PIKFYVE: variants seen among roughly 807,000 people sequenced by gnomAD.
The protein encoded by PIKFYVE is 1-phosphatidylinositol 3-phosphate 5-kinase.
Under a neutral mutation model 257.9 loss-of-function variants are expected in PIKFYVE, and 122 were observed. The ratio of observed to expected loss-of-function variants is 0.47; its 90% CI spans 0.41 to 0.55. PIKFYVE has a LOEUF of 0.55. PIKFYVE is among the 20% of genes least tolerant of loss of function. The pLI is 0.00. For missense variants in PIKFYVE, 2,160 were observed against 2,536.6 expected (o/e 0.85, Z 3.19); for synonymous variants, 892 against 868.9 (o/e 1.03, Z -0.47).
In PIKFYVE at chr2:208,304,855, G is replaced by C. The variant is rs61752184; in HGVS notation, c.1478G>C (p.Ser493Thr). Residue 493 changes from serine (S) to threonine (T), a missense_variant, in exon 12 of 42, where the codon AGT becomes ACT. Ser to Thr is a moderately conservative substitution (Grantham distance 58). Transcript: ENST00000264380. ...EGDDNLANSA[S>T]PSKRTSVSSF... ...TTCCCAACACTAAAAGATTCTGCCA[G>C]TCCTAGCAAGCGCACATCAGTCAGC... 5 of 1,613,976 alleles carry C rather than the reference G, an allele frequency of 3.1e-6. No individual in the cohort carries two copies. The highest frequency in any genetic ancestry group is 4.2e-6 in the Non-Finnish European group (5 of 1,179,962).
intron 12 of PIKFYVE, 81 bp downstream of exon 12, chr2:208,305,094 G>A: frequency 6.3e-7 from 1 of 1,594,332 alleles, no homozygotes; most frequent in Non-Finnish European, 8.5e-7. Context: ...TGTCCTTCTG[G>A]CTTCCTCTGT....
rs1336732252 is a variant in PIKFYVE, at chr2:208,288,814, A to C, written c.907A>C (p.Asn303His). The change falls in exon 7 of 42, where the codon AAT becomes CAT. Residue 303 changes from asparagine to histidine, a missense_variant. Asn to His is a moderately conservative substitution (Grantham distance 68, BLOSUM62 1). Around this residue, in one of 12 missense-constraint regions of PIKFYVE, gnomAD observed 187 missense variants for 185.6 expected, o/e 1.01. Coordinates refer to ENST00000264380, the MANE Select transcript of PIKFYVE (RefSeq NM_015040.4). ...QEDAGKSPAR[N>H]RSASITNLSL... is the part of the protein sequence containing the mutation. ...GGATGCTGGGAAATCTCCTGCTCGA[A>C]ATAGGTAAACTGACAAATGAAAACA... 6 of 1,613,942 alleles carry C rather than the reference A, an allele frequency of 3.7e-6. No homozygotes were observed. The African/African-American group carries it at 6.7e-5, about 18-fold the overall frequency.
chr2:208,356,980 G>A lies in PIKFYVE; in HGVS notation c.*1675G>A, dbSNP rs1390227709. Reference sequence around the variant, plus strand: ...GGAAAATTTGCTTTAGAGAATCAAGGCAGTAGTTTGGTATTTGGTGCTTAT... The same window carrying A: ...GGAAAATTTGCTTTAGAGAATCAAGACAGTAGTTTGGTATTTGGTGCTTAT... On this transcript the variant is annotated 3_prime_UTR_variant, in exon 42 of 42. Transcript: ENST00000264380. 5 of 152,494 alleles carry A rather than the reference G, an allele frequency of 3.3e-5. No individual in the cohort carries two copies. The highest frequency in any genetic ancestry group is 7.3e-5 in the Non-Finnish European group (5 of 68,032). 9.4% of individuals were successfully genotyped at this position (152,494 alleles called of 1,614,324 possible).
chr2:208,316,173 A>G (rs921947804), intron 15 of PIKFYVE, among the ~76,000 whole-genome samples: 13 of 151,538 alleles, frequency 8.6e-5, no homozygotes, highest in Non-Finnish European at 1.3e-4. Context: ...ATGATTTCCA[A>G]TTTCATCCAC....
chr2:208,282,683 T>C (rs944604255), intron 5 of PIKFYVE, among the ~76,000 whole-genome samples: 1 of 152,146 alleles, frequency 6.6e-6, no homozygotes, highest in African/African-American at 2.4e-5. Context: ...CCAAAAAAAA[T>C]AACCTTCACA....
chr2:208,285,478 T>G (rs1389391398), intron 5 of PIKFYVE, among the ~76,000 whole-genome samples: 1 of 152,232 alleles, frequency 6.6e-6, no homozygotes, highest in Admixed American at 6.5e-5. Context: ...TGGCTCTTTT[T>G]TTTTCTTTTA....
At position 208,308,342 on chromosome 2, in the gene PIKFYVE, A is replaced by G. The variant is rs538053363; in HGVS notation, c.1636+3329A>G. On this transcript the variant is annotated intron_variant, in intron 12 of 41. Coordinates refer to ENST00000264380, the MANE Select transcript of PIKFYVE (RefSeq NM_015040.4). ...CTTGAGCTTGGCAGGTTGAGGCTGC[A>G]GTGAGCGATGATTTTGCCACTGCAG... Among the ~76,000 whole-genome samples, 19 of 151,958 alleles carry G rather than the reference A, an allele frequency of 1.3e-4. 1 individual carries two copies. The South Asian group carries it at 3.5e-3, about 28-fold the overall frequency.
At chr2:208,342,439 TCTTTTTCTTTC>T in intron 31 of PIKFYVE, 104 bp from the exon 32 acceptor site, 1 of 761,952 alleles carries the variant, frequency 1.3e-6, no homozygotes, top group Non-Finnish European at 2.2e-6. Flanking sequence ...TCTCTTGAAA[TCTTTTTCTTTC>T]CTAATGATTC....
Position 208,304,842 on chromosome 2 carries a change from AAAGAT to A in PIKFYVE, c.1469-3_1470del, listed in dbSNP as rs760803577. The A allele has an allele frequency of 6.2e-7, 1 of 1,613,684 alleles. No homozygotes were observed. The highest frequency in any genetic ancestry group is 1.7e-5 in the Admixed American group (1 of 60,016). On this transcript the variant is annotated splice_acceptor_variant and splice_polypyrimidine_tract_variant and coding_sequence_variant and intron_variant, in exon 12 of 42. Transcript: ENST00000264380. LOFTEE classifies it high-confidence loss of function. ...TATTTCTTTCCCCTTCCCAACACTA[AAAGAT>A]TCTGCCAGTCCTAGCAAGCGCACAT...
intron 3 of PIKFYVE, 147 bp from the exon 4 acceptor site, chr2:208,276,565 C>A: frequency 1.4e-6 from 1 of 733,212 alleles, no homozygotes; most frequent in South Asian, 1.4e-5. Context: ...CTTATAAAGA[C>A]TTGTTTTAAC....
At chr2:208,268,463 A>G (rs1688969290) in intron 1 of PIKFYVE, among the ~76,000 whole-genome samples, 1 of 129,420 alleles carries the variant, frequency 7.7e-6, no homozygotes, top group Admixed American at 8.9e-5. Context: ...TAAAATAGAG[A>G]TGAAGTCTCG....
intron 5 of PIKFYVE, among the ~76,000 whole-genome samples, chr2:208,282,066 CATT>C (rs2125104526): frequency 6.6e-6 from 1 of 152,284 alleles, no homozygotes; most frequent in East Asian, 1.9e-4. Flanking sequence ...CAGCCCATGT[CATT>C]ATAGTTGTTA....
At chr2:208,350,545 C>CT (rs1389716969) in intron 36 of PIKFYVE, among the ~76,000 whole-genome samples, 4 of 151,500 alleles carry the variant, frequency 2.6e-5, no homozygotes, top group Admixed American at 2.0e-4. Flanking sequence ...ATTTTTTTCT[C>CT]TTTTTTTGGA....
intron 7 of PIKFYVE, among the ~76,000 whole-genome samples, chr2:208,292,974 C>T (rs1328911938): frequency 1.3e-5 from 2 of 151,748 alleles, no homozygotes; most frequent in Non-Finnish European, 2.9e-5. Flanking sequence ...ACTTGTTGCC[C>T]TTGTTCTTCC....
chr2:208,320,240 CA>C lies in PIKFYVE; in HGVS notation c.2083-11del. On this transcript the variant is annotated splice_polypyrimidine_tract_variant and intron_variant, in intron 16 of 41. Coordinates refer to ENST00000264380, the MANE Select transcript of PIKFYVE (RefSeq NM_015040.4). ...CCTTTAAACACTTTAACAAACTGTT[CA>C]TTTTTTGTAGATGAGTTCTTGTATT... 6.2e-7 allele frequency: 1 copy of C among 1,609,356 alleles called. No individual in the cohort carries two copies. Among genetic ancestry groups the C allele is most frequent in the Non-Finnish European group, 8.5e-7 (1 of 1,177,306 alleles).
At chr2:208,275,768 T>C (rs1690027097) in intron 3 of PIKFYVE, among the ~76,000 whole-genome samples, 1 of 152,236 alleles carries the variant, frequency 6.6e-6, no homozygotes, top group African/African-American at 2.4e-5. Flanking sequence ...GTGGGGTATT[T>C]TCCAGTTTAC....
chr2:208,314,774 G>A (rs1240971825), intron 14 of PIKFYVE, among the ~76,000 whole-genome samples: 5 of 152,264 alleles, frequency 3.3e-5, no homozygotes, highest in African/African-American at 1.2e-4. Context: ...GCGCTGGCCT[G>A]TAATCCCAAC....
At chr2:208,306,789 T>C (rs6744930) in intron 12 of PIKFYVE, among the ~76,000 whole-genome samples, 6 of 145,556 alleles carry the variant, frequency 4.1e-5, no homozygotes, top group African/African-American at 1.0e-4. Context: ...TTTTTTTTTT[T>C]TTCTAAGAGA....
At position 208,305,745 on chromosome 2, in the gene PIKFYVE, C is replaced by T. The variant is rs372088089; in HGVS notation, c.1636+732C>T. On this transcript the variant is annotated intron_variant, in intron 12 of 41. Transcript: ENST00000264380. ...TTACTTTATTGGGTATAATTAAAAG[C>T]CAATTTAAATTATAGTCCTATCATG... Among the ~76,000 whole-genome samples the T allele has an allele frequency of 8.9e-4, 135 of 151,946 alleles. 6 individuals carry two copies. In the South Asian group the frequency reaches 0.028, roughly 31 times the overall value.
Sources: gnomAD v4.1 joint callset for allele counts (sites outside exome capture counted in the v4.1 genomes callset) on GRCh38, gnomAD v4.1.1 for gene constraint, gnomAD v4.1.1 regional missense constraint, MANE v1.5 for transcripts, NCBI Gene and HGNC (gene_info 2026-07-23, HGNC 2026-07-21) for gene names.